PDCD6IP: variants seen among roughly 807,000 people sequenced by gnomAD.
PDCD6IP encodes the protein programmed cell death 6-interacting protein.
In PDCD6IP, 43 loss-of-function variants were observed where a neutral mutation model predicts 103.7. The ratio of observed to expected loss-of-function variants is 0.41; its 90% CI spans 0.32 to 0.53. PDCD6IP has a LOEUF of 0.53. Among genes scored for constraint, PDCD6IP ranks in the 20% least tolerant of loss-of-function variants. The probability of loss-of-function intolerance (pLI) is 0.16; values close to 1 mark genes in which losing one functional copy is unlikely to be tolerated. For missense variants in PDCD6IP, 871 were observed against 1,036.7 expected (o/e 0.84, Z 2.20); for synonymous variants, 354 against 378.7 (o/e 0.93, Z 0.76).
intron 1 of PDCD6IP, among the ~76,000 whole-genome samples, chr3:33,802,394 TG>T (rs1365554122): frequency 2.6e-5 from 4 of 152,198 alleles, no homozygotes; most frequent in Non-Finnish European, 5.9e-5. Context: ...TAGGATAGAC[TG>T]ATAATGATGT....
chr3:33,863,407 A>G (rs934366417), intron 15 of PDCD6IP, among the ~76,000 whole-genome samples: 3 of 152,152 alleles, frequency 2.0e-5, no homozygotes, highest in Admixed American at 2.0e-4. Flanking sequence ...TGTACCTATT[A>G]TCCACCCTCT....
At chr3:33,798,981 G>T (rs576348138) in intron 1 of PDCD6IP, 44 bp downstream of exon 1, 1 of 1,442,250 alleles carries the variant, frequency 6.9e-7, no homozygotes. Flanking sequence ...GCCAGCCGTC[G>T]CTCGCCGCTC....
At chr3:33,823,921 A>G (rs1476843965) in intron 4 of PDCD6IP, among the ~76,000 whole-genome samples, 2 of 152,190 alleles carry the variant, frequency 1.3e-5, no homozygotes, top group Non-Finnish European at 2.9e-5. Flanking sequence ...CCATTCTGTG[A>G]GGGTTCACAG....
chr3:33,830,165 C>G (rs923917800), intron 7 of PDCD6IP, among the ~76,000 whole-genome samples: 17 of 152,064 alleles, frequency 1.1e-4, no homozygotes, highest in African/African-American at 4.1e-4. Context: ...ATTAATTAGC[C>G]TTTTCATGGG....
chr3:33,828,768 CT>C, intron 6 of PDCD6IP, 84 bp from the exon 7 acceptor site: 1 of 1,484,178 alleles, frequency 6.7e-7, no homozygotes, highest in Non-Finnish European at 9.3e-7. Context: ...TTTCTGTCTT[CT>C]TTTCCTTTTT....
At chr3:33,817,034 C>T (rs1030657971) in intron 3 of PDCD6IP, among the ~76,000 whole-genome samples, 1 of 152,140 alleles carries the variant, frequency 6.6e-6, no homozygotes, top group Non-Finnish European at 1.5e-5. Context: ...TAAAAGGCTA[C>T]TCATTCATTT....
At chr3:33,851,792 G>A (rs1697720237) in intron 12 of PDCD6IP, among the ~76,000 whole-genome samples, 1 of 152,110 alleles carries the variant, frequency 6.6e-6, no homozygotes, top group Admixed American at 6.6e-5. Flanking sequence ...AGAGGCACAA[G>A]AACCCTCTTT....
chr3:33,826,476 C>T lies in PDCD6IP; in HGVS notation c.617-4C>T, dbSNP rs1697126877. 1 of 1,591,116 alleles carries T rather than the reference C, an allele frequency of 6.3e-7. No homozygotes were observed. The highest frequency in any genetic ancestry group is 8.6e-7 in the Non-Finnish European group (1 of 1,163,210). On this transcript the variant is annotated splice_region_variant and splice_polypyrimidine_tract_variant and intron_variant, in intron 5 of 17. Coordinates refer to ENST00000307296, the MANE Select transcript of PDCD6IP (RefSeq NM_013374.6). ...TTAATTATAATGGTCATATTGTATTCCAGATAAAATGAAAGATGCCATCAT... is the reference window on the plus strand; with the variant it reads ...TTAATTATAATGGTCATATTGTATTTCAGATAAAATGAAAGATGCCATCAT...
intron 15 of PDCD6IP, among the ~76,000 whole-genome samples, chr3:33,855,839 C>A (rs1488412584): frequency 6.6e-6 from 1 of 152,188 alleles, no homozygotes; most frequent in Non-Finnish European, 1.5e-5. Flanking sequence ...GAGCAAACAT[C>A]TGACCATGAG....
In PDCD6IP at chr3:33,868,240, GAC is replaced by G. The variant is rs1483439305; in HGVS notation, c.*1717_*1718del. ...CTTGAGGTACTTTATACTAACATAA[GAC>G]AGTGAGAGTTAGAGGTATTACAAGT... On this transcript the variant is annotated 3_prime_UTR_variant, in exon 18 of 18. Transcript: ENST00000307296. 6.6e-6 allele frequency: 1 copy of G among 152,148 alleles called. No individual in the cohort carries two copies. The allele number at this position is 152,148 out of a possible 1,614,324, so 9.4% of individuals were successfully genotyped here.
At chr3:33,826,701 A>G in intron 6 of PDCD6IP, 121 bp downstream of exon 6, 1 of 1,416,394 alleles carries the variant, frequency 7.1e-7, no homozygotes, top group South Asian at 1.4e-5. Context: ...AGTTATCTGA[A>G]GTATATAGTA....
chr3:33,812,219 T>C (rs1174038116), intron 2 of PDCD6IP, 93 bp downstream of exon 2: 2 of 1,465,172 alleles, frequency 1.4e-6, no homozygotes, highest in Middle Eastern at 1.8e-4. Context: ...TATGAGATAG[T>C]GTTATAAAAA....
chr3:33,814,165 A>G (rs1405569214), intron 3 of PDCD6IP, among the ~76,000 whole-genome samples: 3 of 145,048 alleles, frequency 2.1e-5, no homozygotes, highest in East Asian at 4.0e-4. Context: ...TTTTTTTGAG[A>G]CAGAGTTTTG....
intron 1 of PDCD6IP, among the ~76,000 whole-genome samples, chr3:33,809,397 A>G (rs1696667194): frequency 6.6e-6 from 1 of 152,232 alleles, no homozygotes; most frequent in Non-Finnish European, 1.5e-5. Context: ...CTGAGCAAGG[A>G]GAGCCTATAA....
intron 3 of PDCD6IP, among the ~76,000 whole-genome samples, chr3:33,816,831 GACT>G (rs760227797): frequency 3.9e-5 from 6 of 152,156 alleles, no homozygotes; most frequent in Non-Finnish European, 8.8e-5. Flanking sequence ...GTATTGTTAT[GACT>G]TAAGAAATTT....
chr3:33,845,345 T>G, intron 11 of PDCD6IP, 74 bp from the exon 12 acceptor site: 1 of 1,145,354 alleles, frequency 8.7e-7, no homozygotes, highest in Non-Finnish European at 1.2e-6. Flanking sequence ...AGACTAGAAC[T>G]CAACATATAA....
intron 5 of PDCD6IP, 145 bp downstream of exon 5, chr3:33,825,485 T>A: frequency 1.6e-6 from 1 of 643,232 alleles, no homozygotes; most frequent in Admixed American, 3.6e-5. Flanking sequence ...TCAGCTATCC[T>A]TTTCTGAATT....
rs75081813 is a variant in PDCD6IP, at chr3:33,845,954, A to G, written c.1641+366A>G. ...AATTCTTTATTTCTTACATTATTCTATACTCCTTTCCACCTTGTTTCACCG... is the reference window on the plus strand; with the variant it reads ...AATTCTTTATTTCTTACATTATTCTGTACTCCTTTCCACCTTGTTTCACCG... On this transcript the variant is annotated intron_variant, in intron 12 of 17. Coordinates refer to ENST00000307296, the MANE Select transcript of PDCD6IP (RefSeq NM_013374.6). 1.6e-3 allele frequency among the ~76,000 whole-genome samples: 248 copies of G among 152,338 alleles called. 3 individuals carry two copies. The East Asian group carries it at 0.043, about 27-fold the overall frequency.
intron 7 of PDCD6IP, chr3:33,835,225 T>C (rs1443106759): frequency 2.2e-6 from 1 of 456,728 alleles, no homozygotes; most frequent in African/African-American, 2.0e-5. Context: ...TGTTGTTCAC[T>C]TCCTGTGTTG....
Sources: allele counts gnomAD v4.1 joint callset (sites outside exome capture counted in the v4.1 genomes callset), GRCh38; gene constraint gnomAD v4.1.1; transcripts MANE v1.5; gene names NCBI Gene and HGNC (gene_info 2026-07-23, HGNC 2026-07-21).